STAU2: variants seen among roughly 807,000 people sequenced by gnomAD.
STAU2 encodes the protein double-stranded RNA-binding protein Staufen homolog 2.
Under a neutral mutation model 65.9 loss-of-function variants are expected in STAU2, and 20 were observed. The observed-to-expected ratio is 0.30, with a 90% CI of 0.21 to 0.44. The LOEUF (loss-of-function observed/expected upper bound fraction) is 0.44, where lower values mean the gene tolerates loss of function less well. Among genes scored for constraint, STAU2 ranks in the 20% least tolerant of loss-of-function variants. The pLI, the probability that STAU2 is intolerant of heterozygous loss-of-function variation, is 1.00. For missense variants in STAU2, 558 were observed against 683.9 expected, an observed-to-expected ratio of 0.82 and a Z score of 2.05; for synonymous variants, 232 against 233.9, an observed-to-expected ratio of 0.99 and a Z score of 0.07.
At chr8:73,723,569 TTCTC>T (rs1241025898) in intron 3 of STAU2, among the ~76,000 whole-genome samples, 1 of 152,246 alleles carries the variant, frequency 6.6e-6, no homozygotes, top group Non-Finnish European at 1.5e-5. Context: ...TTTTTCTTCT[TTCTC>T]TATGCTTCAT....
At chr8:73,551,764 C>T (rs1315338515) in intron 13 of STAU2, 1 of 1,152,140 alleles carries the variant, frequency 8.7e-7, no homozygotes, top group African/African-American at 1.6e-5. Context: ...ATGAAAAATG[C>T]TTAAAAAAGA....
At chr8:73,456,361 C>T (rs1819066959) in intron 13 of STAU2, among the ~76,000 whole-genome samples, 1 of 152,216 alleles carries the variant, frequency 6.6e-6, no homozygotes, top group African/African-American at 2.4e-5. Flanking sequence ...ACTGGAACCT[C>T]TCATCTTCCA....
At chr8:73,585,863 T>C (rs546238675) in intron 11 of STAU2, among the ~76,000 whole-genome samples, 67 of 152,316 alleles carry the variant, frequency 4.4e-4, no homozygotes, top group Non-Finnish European at 8.7e-4. Flanking sequence ...AAGTGGGTGG[T>C]TCCCTCATGT....
intron 14 of STAU2, among the ~76,000 whole-genome samples, chr8:73,422,170 C>T (rs890947811): frequency 2.6e-5 from 4 of 152,142 alleles, no homozygotes; most frequent in South Asian, 2.1e-4. Flanking sequence ...CACGGAAAAC[C>T]GAATGCAGCC....
At chr8:73,637,705 GAAAACA>G (rs942684312) in intron 6 of STAU2, among the ~76,000 whole-genome samples, 1 of 151,710 alleles carries the variant, frequency 6.6e-6, no homozygotes, top group East Asian at 1.9e-4. Flanking sequence ...GATCTTCAGA[GAAAACA>G]AAAACAAAAA....
At chr8:73,699,834 C>T (rs1486268592) in intron 4 of STAU2, among the ~76,000 whole-genome samples, 4 of 141,628 alleles carry the variant, frequency 2.8e-5, no homozygotes, top group Non-Finnish European at 6.0e-5. Context: ...CCAGTATTAC[C>T]CTGATACCAA....
chr8:73,736,849 C>G (rs1217616195), intron 3 of STAU2, among the ~76,000 whole-genome samples: 1 of 152,118 alleles, frequency 6.6e-6, no homozygotes, highest in African/African-American at 2.4e-5. Context: ...GACTATATGT[C>G]GGAAGGCAGG....
intron 12 of STAU2, among the ~76,000 whole-genome samples, chr8:73,554,589 C>T (rs1807583387): frequency 6.6e-6 from 1 of 152,162 alleles, no homozygotes; most frequent in South Asian, 2.1e-4. Flanking sequence ...AATTTCCCTG[C>T]CAATTAAGAT....
chr8:73,658,943 CA>C (rs71269931), intron 6 of STAU2, among the ~76,000 whole-genome samples: 28 of 141,948 alleles, frequency 2.0e-4, no homozygotes, highest in Admixed American at 2.8e-4. Context: ...ACAAAAACAA[CA>C]AAAAAAAAAA....
intron 12 of STAU2, among the ~76,000 whole-genome samples, chr8:73,580,511 C>G (rs1160576685): frequency 6.6e-6 from 1 of 152,170 alleles, no homozygotes; most frequent in Non-Finnish European, 1.5e-5. Context: ...AATGCTAACT[C>G]TGGTATTCTT....
In STAU2 at chr8:73,613,783, T is replaced by A; in HGVS notation, c.852A>T (p.Pro284=). The change falls in exon 9 of 15, where the codon CCA becomes CCT. Residue 284 remains proline, a synonymous_variant. Transcript: ENST00000524300. The part of the protein sequence containing the change: ...KLPPLPVVEK[P]KLFFKKRPKT... ...TAGGGCGTTTTTTAAAAAATAGTTT[T>A]GGCTTTTCCACCACAGGAAGAGGTG... 6.2e-7 allele frequency: 1 copy of A among 1,613,070 alleles called. No individual in the cohort carries two copies. Among genetic ancestry groups the A allele is most frequent in the South Asian group, 1.1e-5 (1 of 90,938 alleles).
At chr8:73,682,236 T>G (rs1818483108) in intron 5 of STAU2, among the ~76,000 whole-genome samples, 1 of 151,718 alleles carries the variant, frequency 6.6e-6, no homozygotes, top group African/African-American at 2.4e-5. Flanking sequence ...ACAAAACAAG[T>G]CACAGTATAT....
chr8:73,707,341 T>A (rs893106169), intron 4 of STAU2, among the ~76,000 whole-genome samples: 9 of 152,072 alleles, frequency 5.9e-5, no homozygotes, highest in African/African-American at 1.9e-4. Flanking sequence ...CACAGAAAGA[T>A]GAAAGACTGA....
At chr8:73,565,690 T>C (rs370502794) in intron 12 of STAU2, among the ~76,000 whole-genome samples, 3 of 152,190 alleles carry the variant, frequency 2.0e-5, no homozygotes, top group African/African-American at 7.2e-5. Flanking sequence ...TCACCCCACA[T>C]TGAGTAAACA....
chr8:73,528,561 A>G (rs1268461244), intron 13 of STAU2, among the ~76,000 whole-genome samples: 6 of 152,210 alleles, frequency 3.9e-5, no homozygotes, highest in Admixed American at 3.9e-4. Flanking sequence ...GTAAGCTAAT[A>G]AAGTAAAAAG....
At chr8:73,730,176 G>A (rs368963447) in intron 3 of STAU2, among the ~76,000 whole-genome samples, 156 of 152,036 alleles carry the variant, frequency 1.0e-3, no homozygotes, top group African/African-American at 3.6e-3. Context: ...TCCCTCTCAG[G>A]ACTGTTTTCA....
At chr8:73,501,089 C>A (rs748106182) in intron 13 of STAU2, among the ~76,000 whole-genome samples, 33 of 151,716 alleles carry the variant, frequency 2.2e-4, no homozygotes, top group Non-Finnish European at 3.7e-4. Context: ...TTCTGCAGTA[C>A]CAATTCAAAT....
intron 4 of STAU2, among the ~76,000 whole-genome samples, chr8:73,703,005 A>T (rs1021426268): frequency 6.6e-6 from 1 of 152,250 alleles, no homozygotes; most frequent in Non-Finnish European, 1.5e-5. Flanking sequence ...AAAGTTAAAC[A>T]TGCACCTGCT....
intron 6 of STAU2, among the ~76,000 whole-genome samples, chr8:73,654,560 A>G (rs1013918962): frequency 2.2e-5 from 3 of 139,446 alleles, no homozygotes; most frequent in African/African-American, 7.9e-5. Context: ...GGATCACTTG[A>G]GACCAGAAGG....
Sources: allele counts gnomAD v4.1 joint callset (sites outside exome capture counted in the v4.1 genomes callset), GRCh38; gene constraint gnomAD v4.1.1; transcripts MANE v1.5; gene names NCBI Gene and HGNC (gene_info 2026-07-23, HGNC 2026-07-21).